Variants in TMEM117 observed in about 807,000 individuals in gnomAD.
TMEM117 encodes the protein transmembrane protein 117.
TMEM117 carries 27 observed loss-of-function variants against 52.4 expected under a neutral mutation model. The ratio of observed to expected loss-of-function variants is 0.51; its 90% CI spans 0.38 to 0.71. TMEM117 has a LOEUF of 0.71. TMEM117 is among the 30% of genes least tolerant of loss of function. TMEM117 has a pLI of 0.00. For synonymous variants in TMEM117, 215 were observed against 206.3 expected (o/e 1.04, Z -0.36); for missense variants, 556 against 630.5 (o/e 0.88, Z 1.26).
At chr12:44,019,314 C>T (rs1946420597) in intron 3 of TMEM117, among the ~76,000 whole-genome samples, 1 of 152,036 alleles carries the variant, frequency 6.6e-6, no homozygotes, top group African/African-American at 2.4e-5. Context: ...AAAGACTAGT[C>T]ACAGTCAATT....
chr12:43,865,939 TA>T (rs1156641819), intron 2 of TMEM117, among the ~76,000 whole-genome samples: 7 of 151,784 alleles, frequency 4.6e-5, no homozygotes, highest in African/African-American at 1.7e-4. Context: ...AGTTTAAAAT[TA>T]AAGTTTATTG....
At chr12:43,929,964 T>C (rs1185550186) in intron 2 of TMEM117, among the ~76,000 whole-genome samples, 1 of 152,168 alleles carries the variant, frequency 6.6e-6, no homozygotes, top group Non-Finnish European at 1.5e-5. Flanking sequence ...ATTTAAAAAA[T>C]TGAATATTAG....
chr12:44,173,318 C>T (rs1949074599), intron 4 of TMEM117, among the ~76,000 whole-genome samples: 1 of 152,198 alleles, frequency 6.6e-6, no homozygotes, highest in South Asian at 2.1e-4. Context: ...CTCAGGCAAT[C>T]CATCCACCTC....
At chr12:44,034,037 A>G (rs1002729716) in intron 3 of TMEM117, among the ~76,000 whole-genome samples, 3 of 152,200 alleles carry the variant, frequency 2.0e-5, no homozygotes, top group Non-Finnish European at 4.4e-5. Context: ...TGTGGTATCC[A>G]TTTACTCTTG....
At chr12:44,257,349 A>G (rs1950271579) in intron 5 of TMEM117, among the ~76,000 whole-genome samples, 1 of 151,318 alleles carries the variant, frequency 6.6e-6, no homozygotes, top group Admixed American at 6.6e-5. Context: ...ATAGGTGTCC[A>G]CTCCATTTGT....
At chr12:43,869,813 T>C (rs921638995) in intron 2 of TMEM117, among the ~76,000 whole-genome samples, 4 of 152,230 alleles carry the variant, frequency 2.6e-5, no homozygotes, top group African/African-American at 9.6e-5. Flanking sequence ...GGTTGTTACA[T>C]TGGTAAATGT....
intron 5 of TMEM117, among the ~76,000 whole-genome samples, chr12:44,213,038 T>G (rs896402564): frequency 1.3e-5 from 2 of 152,220 alleles, no homozygotes; most frequent in Non-Finnish European, 2.9e-5. Context: ...ATGTGGCCTA[T>G]GGTACTATTT....
chr12:44,186,377 A>G (rs569097953), intron 4 of TMEM117, among the ~76,000 whole-genome samples: 25 of 152,280 alleles, frequency 1.6e-4, no homozygotes, highest in Middle Eastern at 3.4e-3. Context: ...GGAGGCAGAT[A>G]TCCTTCATTC....
At chr12:43,866,816 C>T (rs1036137278) in intron 2 of TMEM117, among the ~76,000 whole-genome samples, 2 of 152,070 alleles carry the variant, frequency 1.3e-5, no homozygotes, top group South Asian at 2.1e-4. Context: ...TTTAGGTTGG[C>T]GCGGTGGCTT....
At chr12:44,341,263 A>G (rs1001428845) in intron 6 of TMEM117, among the ~76,000 whole-genome samples, 1 of 151,866 alleles carries the variant, frequency 6.6e-6, no homozygotes, top group Admixed American at 6.6e-5. Context: ...CAGCCTCCCA[A>G]ATTGCTGAGA....
chr12:43,796,014 C>G, the TMEM117 span, among the ~76,000 whole-genome samples: 1 of 152,150 alleles, frequency 6.6e-6, no homozygotes, highest in Non-Finnish European at 1.5e-5. Context: ...GAAGCCACCA[C>G]TACATTCTCA....
chr12:44,004,809 T>C (rs988307347), intron 3 of TMEM117, among the ~76,000 whole-genome samples: 9 of 152,186 alleles, frequency 5.9e-5, no homozygotes, highest in African/African-American at 2.2e-4. Flanking sequence ...TTGTTACTCA[T>C]GAGCAGTATA....
chr12:44,323,830 A>G (rs1259540193), intron 6 of TMEM117, among the ~76,000 whole-genome samples: 1 of 152,102 alleles, frequency 6.6e-6, no homozygotes, highest in Admixed American at 6.6e-5. Context: ...CCAGTTTTGC[A>G]TCTATATTTA....
chr12:43,926,885 A>C (rs1207494678), intron 2 of TMEM117, among the ~76,000 whole-genome samples: 1 of 151,920 alleles, frequency 6.6e-6, no homozygotes, highest in South Asian at 2.1e-4. Context: ...TTTTGGCTTC[A>C]TTGATCCTCT....
intron 3 of TMEM117, among the ~76,000 whole-genome samples, chr12:44,049,730 A>AT (rs1346178748): frequency 1.3e-5 from 2 of 152,160 alleles, no homozygotes; most frequent in Non-Finnish European, 2.9e-5. Flanking sequence ...TCTATAAACT[A>AT]TTTTTATCCA....
intron 3 of TMEM117, among the ~76,000 whole-genome samples, chr12:44,118,976 A>G (rs1038063913): frequency 1.3e-5 from 2 of 152,230 alleles, no homozygotes; most frequent in African/African-American, 4.8e-5. Context: ...AACCTAAAGT[A>G]ATATGAAACT....
At chr12:44,068,085 C>G (rs1383317739) in intron 3 of TMEM117, among the ~76,000 whole-genome samples, 4 of 152,292 alleles carry the variant, frequency 2.6e-5, no homozygotes, top group East Asian at 1.9e-4. Context: ...TAACTTCAGA[C>G]ATTTCTTCTG....
intron 2 of TMEM117, among the ~76,000 whole-genome samples, chr12:43,845,273 G>A (rs765035610): frequency 4.0e-5 from 6 of 151,716 alleles, no homozygotes; most frequent in African/African-American, 1.5e-4. Context: ...TCAGCCTGGC[G>A]AACATGGTGA....
intron 6 of TMEM117, among the ~76,000 whole-genome samples, chr12:44,341,113 C>G (rs866710845): frequency 2.6e-5 from 4 of 152,020 alleles, no homozygotes; most frequent in African/African-American, 9.7e-5. Flanking sequence ...AATCCTCTTA[C>G]CTCAGCCTCC....
Sources: allele counts gnomAD v4.1 joint callset (sites outside exome capture counted in the v4.1 genomes callset), GRCh38; gene constraint gnomAD v4.1.1; transcripts MANE v1.5; gene names NCBI Gene and HGNC (gene_info 2026-07-23, HGNC 2026-07-21).